KDM4C: variants seen among roughly 807,000 people sequenced by gnomAD.
The protein encoded by KDM4C is lysine demethylase 4C.
Under a neutral mutation model 129.3 loss-of-function variants are expected in KDM4C, and 81 were observed. That is an observed-to-expected ratio of 0.63 (90% confidence interval 0.52 to 0.75). The LOEUF is 0.75. KDM4C is among the 30% of genes least tolerant of loss of function. The probability of loss-of-function intolerance (pLI) is 0.00; values close to 1 mark genes in which losing one functional copy is unlikely to be tolerated. For missense variants in KDM4C, 1,457 were observed against 1,304.0 expected, an observed-to-expected ratio of 1.12 and a Z score of -1.81; for synonymous variants, 573 against 456.1, an observed-to-expected ratio of 1.26 and a Z score of -3.26.
chr9:6,970,325 C>T (rs1831742495), intron 8 of KDM4C, among the ~76,000 whole-genome samples: 1 of 152,196 alleles, frequency 6.6e-6, no homozygotes, highest in Admixed American at 6.5e-5. Flanking sequence ...TCTGCCCTCC[C>T]TCTTGTAGTT....
At chr9:6,924,922 TCTA>T in intron 8 of KDM4C, 2 of 984,574 alleles carry the variant, frequency 2.0e-6, no homozygotes, top group Non-Finnish European at 2.4e-6. Context: ...AGCCTTTAGT[TCTA>T]ATAATAATGT....
In KDM4C at chr9:6,995,677, AT is replaced by A. The variant is rs907644379; in HGVS notation, c.1786+5165del. Among the ~76,000 whole-genome samples, 529 of 147,892 alleles carry A rather than the reference AT, an allele frequency of 3.6e-3. 4 individuals carry two copies. The highest frequency in any genetic ancestry group is 0.01 in the African/African-American group (408 of 40,582). Reference sequence around the variant, plus strand: ...GTACTTACACCTTTGCAGGTTTTAAATTTTTTTTTTTTGAGATGGCGTCTCG... The same window carrying A: ...GTACTTACACCTTTGCAGGTTTTAAATTTTTTTTTTTGAGATGGCGTCTCG... On this transcript the variant is annotated intron_variant, in intron 12 of 21. Transcript: ENST00000381309.
At chr9:6,924,693 T>G in intron 8 of KDM4C, 1 of 864,742 alleles carries the variant, frequency 1.2e-6, no homozygotes, top group Non-Finnish European at 1.4e-6. Context: ...GGGGTACCGA[T>G]GCATAATGTG....
At chr9:7,116,500 G>T (rs1222524474) in intron 18 of KDM4C, among the ~76,000 whole-genome samples, 1 of 152,062 alleles carries the variant, frequency 6.6e-6, no homozygotes, top group Non-Finnish European at 1.5e-5. Context: ...GAGCACCCCA[G>T]TTCTTTCCCA....
chr9:7,127,876 G>A, intron 18 of KDM4C, 190 bp from the exon 19 acceptor site: 1 of 517,952 alleles, frequency 1.9e-6, no homozygotes, highest in Non-Finnish European at 3.3e-6. Context: ...AACAAGTAGT[G>A]TTTATACTAT....
chr9:6,816,639 T>C (rs1235263992), intron 4 of KDM4C, among the ~76,000 whole-genome samples: 1 of 152,222 alleles, frequency 6.6e-6, no homozygotes, highest in Non-Finnish European at 1.5e-5. Flanking sequence ...ACACTTCCTA[T>C]AGCAATGTTT....
chr9:7,102,484 A>G (rs1587650433), intron 17 of KDM4C, among the ~76,000 whole-genome samples: 1 of 152,066 alleles, frequency 6.6e-6, no homozygotes, highest in Admixed American at 6.6e-5. Flanking sequence ...GGAGATACAC[A>G]TTGGGAATCC....
chr9:7,010,802 G>A (rs1460631493), intron 12 of KDM4C, among the ~76,000 whole-genome samples: 2 of 152,142 alleles, frequency 1.3e-5, no homozygotes, highest in African/African-American at 4.8e-5. Flanking sequence ...CCAGCACTTT[G>A]GGAGGCTGAG....
intron 18 of KDM4C, among the ~76,000 whole-genome samples, chr9:7,109,486 G>T (rs1401145880): frequency 6.6e-6 from 1 of 152,140 alleles, no homozygotes; most frequent in African/African-American, 2.4e-5. Context: ...GTTCCAACAG[G>T]ATTTTTATTT....
chr9:6,726,958 C>T (rs1817152044), intron 1 of KDM4C: 1 of 152,088 alleles, frequency 6.6e-6, no homozygotes, highest in South Asian at 2.1e-4. Flanking sequence ...TGGTCTCAAA[C>T]TCCTGACCTC....
chr9:7,047,023 G>A (rs1359568010), intron 16 of KDM4C, 106 bp downstream of exon 16: 1 of 771,090 alleles, frequency 1.3e-6, no homozygotes, highest in Admixed American at 2.1e-5. Context: ...TGGTTTCAAA[G>A]CTTTTGCTGC....
At chr9:6,765,342 T>C (rs765701437) in intron 1 of KDM4C, among the ~76,000 whole-genome samples, 12 of 152,226 alleles carry the variant, frequency 7.9e-5, no homozygotes, top group Non-Finnish European at 1.6e-4. Context: ...CATACATCTT[T>C]CTGATCTCTA....
At chr9:6,877,182 GA>G (rs1843692078) in intron 5 of KDM4C, among the ~76,000 whole-genome samples, 1 of 152,078 alleles carries the variant, frequency 6.6e-6, no homozygotes, top group African/African-American at 2.4e-5. Context: ...ATGGAAACAG[GA>G]AAAAGGCTTA....
chr9:6,965,290 G>T (rs1830752550), intron 8 of KDM4C, among the ~76,000 whole-genome samples: 1 of 148,234 alleles, frequency 6.7e-6, no homozygotes, highest in Non-Finnish European at 1.5e-5. Flanking sequence ...TCTAATACAT[G>T]ATATATATAT....
intron 1 of KDM4C, chr9:6,748,971 C>A: frequency 1.2e-6 from 1 of 839,208 alleles, no homozygotes; most frequent in Non-Finnish European, 2.1e-6. Flanking sequence ...GCCCTGGCCA[C>A]TGTATGCCAT....
intron 1 of KDM4C, among the ~76,000 whole-genome samples, chr9:6,772,484 C>A (rs1822071720): frequency 6.6e-6 from 1 of 152,130 alleles, no homozygotes; most frequent in African/African-American, 2.4e-5. Context: ...GCCTCATCCT[C>A]CCAAGTAGGT....
chr9:7,041,905 C>T (rs922811713), intron 15 of KDM4C, among the ~76,000 whole-genome samples: 2 of 151,962 alleles, frequency 1.3e-5, no homozygotes, highest in Admixed American at 6.6e-5. Context: ...ACCACAGTTG[C>T]CTGGACTTTG....
intron 19 of KDM4C, among the ~76,000 whole-genome samples, chr9:7,149,755 A>G (rs981489333): frequency 1.3e-5 from 2 of 152,196 alleles, no homozygotes; most frequent in Non-Finnish European, 2.9e-5. Context: ...GGCAGCCAGT[A>G]ATTTTTGGTC....
chr9:6,960,991 G>A (rs963309299), intron 8 of KDM4C, among the ~76,000 whole-genome samples: 3 of 152,154 alleles, frequency 2.0e-5, no homozygotes, highest in Admixed American at 6.5e-5. Context: ...GCGACATGGG[G>A]TTCAGTGATG....
Sources: allele counts gnomAD v4.1 joint callset (sites outside exome capture counted in the v4.1 genomes callset), GRCh38; gene constraint gnomAD v4.1.1; transcripts MANE v1.5; gene names NCBI Gene and HGNC (gene_info 2026-07-23, HGNC 2026-07-21).